The following PIGU variants were observed in gnomAD, a reference collection of about 807,000 sequenced individuals.
PIGU encodes phosphatidylinositol glycan anchor biosynthesis class U.
Under a neutral mutation model 49.9 loss-of-function variants are expected in PIGU, and 24 were observed. The observed-to-expected ratio is 0.48, with a 90% CI of 0.35 to 0.68. The LOEUF (loss-of-function observed/expected upper bound fraction) is 0.68, where lower values mean the gene tolerates loss of function less well. PIGU is among the 30% of genes least tolerant of loss of function. PIGU has a pLI of 0.01. For synonymous variants in PIGU, 220 were observed against 205.7 expected (o/e 1.07, Z -0.59); for missense variants, 490 against 532.6 (o/e 0.92, Z 0.79).
At chr20:34,659,417 G>A (rs1307950085) in intron 1 of PIGU, among the ~76,000 whole-genome samples, 2 of 146,004 alleles carry the variant, frequency 1.4e-5, no homozygotes, top group African/African-American at 5.1e-5. Context: ...CGCCCGGTCC[G>A]GGAGGGAGGT....
At chr20:34,671,601 G>A (rs193296346) in intron 1 of PIGU, among the ~76,000 whole-genome samples, 64 of 151,986 alleles carry the variant, frequency 4.2e-4, no homozygotes, top group Middle Eastern at 3.4e-3. Flanking sequence ...TCCTGCTTTT[G>A]TCAAACAGGA....
rs1232074406 is a variant in PIGU, at chr20:34,659,412, G to T, written c.131-2168C>A. ...AGCCCCTCTGCCCGGCCAGCCGCCC[G>T]GTCCGGGAGGGAGGTGGGGGGGTCA... is the stretch of plus-strand genomic sequence containing the variant. On this transcript the variant is annotated intron_variant, in intron 1 of 11. Transcript: ENST00000217446. 1.6e-3 allele frequency among the ~76,000 whole-genome samples: 148 copies of T among 90,808 alleles called. 2 individuals carry two copies. The highest frequency in any genetic ancestry group is 6.4e-3 in the African/African-American group (139 of 21,834). 59.6% of individuals were successfully genotyped at this position (90,808 alleles called of 152,430 possible).
At chr20:34,594,369 T>C (rs1466526597) in intron 7 of PIGU, among the ~76,000 whole-genome samples, 1 of 151,992 alleles carries the variant, frequency 6.6e-6, no homozygotes, top group African/African-American at 2.4e-5. Flanking sequence ...GAATAAACTA[T>C]GGTATATTCA....
intron 7 of PIGU, among the ~76,000 whole-genome samples, chr20:34,605,323 G>A (rs1401739731): frequency 6.6e-6 from 1 of 152,114 alleles, no homozygotes; most frequent in African/African-American, 2.4e-5. Flanking sequence ...AGGAAGAATA[G>A]TTTCACCTCT....
chr20:34,603,574 C>T (rs1461559691), intron 7 of PIGU, among the ~76,000 whole-genome samples: 2 of 152,092 alleles, frequency 1.3e-5, no homozygotes, highest in Non-Finnish European at 2.9e-5. Flanking sequence ...TCTTACCTTA[C>T]TGAAACTCAA....
chr20:34,606,881 C>G (rs1984635412), intron 7 of PIGU, among the ~76,000 whole-genome samples: 1 of 152,194 alleles, frequency 6.6e-6, no homozygotes, highest in Non-Finnish European at 1.5e-5. Flanking sequence ...CTGCCTCAGC[C>G]TCCTGAGTAG....
intron 1 of PIGU, among the ~76,000 whole-genome samples, chr20:34,674,263 G>C (rs1179159225): frequency 6.8e-6 from 1 of 147,500 alleles, no homozygotes; most frequent in Non-Finnish European, 1.5e-5. Flanking sequence ...GCTGAGACGA[G>C]ATAACAGCCT....
At chr20:34,661,457 T>A (rs1226202976) in intron 1 of PIGU, among the ~76,000 whole-genome samples, 1 of 152,192 alleles carries the variant, frequency 6.6e-6, no homozygotes, top group Non-Finnish European at 1.5e-5. Flanking sequence ...AGTGAGAATA[T>A]GCTGTATTTG....
chr20:34,638,327 T>C lies in PIGU; in HGVS notation c.319-342A>G, dbSNP rs1986035544. Reference sequence around the variant, plus strand: ...CTCACCACCCCACACCCAGGTAAAATCCCCCTGTTATATATGTTCTTTCAC... The same window carrying C: ...CTCACCACCCCACACCCAGGTAAAACCCCCCTGTTATATATGTTCTTTCAC... On this transcript the variant is annotated intron_variant, in intron 4 of 11. Transcript: ENST00000217446. Among the ~76,000 whole-genome samples the C allele has an allele frequency of 2.0e-5, 3 of 152,128 alleles. No individual in the cohort carries two copies. In the South Asian group the frequency reaches 6.2e-4, roughly 32 times the overall value.
intron 7 of PIGU, among the ~76,000 whole-genome samples, chr20:34,603,067 T>A (rs1984490452): frequency 6.6e-6 from 1 of 152,138 alleles, no homozygotes. Context: ...AATTCATATG[T>A]TACAGAATCT....
chr20:34,644,048 C>A, intron 4 of PIGU, 116 bp downstream of exon 4: 1 of 941,370 alleles, frequency 1.1e-6, no homozygotes. Context: ...AGAAGTTTCA[C>A]CATCACTTCC....
At chr20:34,667,167 C>A (rs773665905) in intron 1 of PIGU, among the ~76,000 whole-genome samples, 1 of 152,118 alleles carries the variant, frequency 6.6e-6, no homozygotes, top group Non-Finnish European at 1.5e-5. Context: ...CCTTGGTATA[C>A]TTTTCCTATG....
Position 34,609,089 on chromosome 20 carries a change from G to A in PIGU, c.627+6953C>T, listed in dbSNP as rs538243314. The stretch of plus-strand genomic sequence containing the variant: ...TAGCTCAAGAATTCAAGACCAGCCC[G>A]GGCAACAAAGTGAGACCCTGTCTCT... On this transcript the variant is annotated intron_variant, in intron 7 of 11. Coordinates refer to ENST00000217446, the MANE Select transcript of PIGU (RefSeq NM_080476.5). 7.8e-4 allele frequency among the ~76,000 whole-genome samples: 119 copies of A among 152,066 alleles called. 1 individual carries two copies. The highest frequency in any genetic ancestry group is 6.6e-3 in the Admixed American group (101 of 15,266).
At chr20:34,635,461 T>C (rs1488611974) in intron 5 of PIGU, among the ~76,000 whole-genome samples, 1 of 152,186 alleles carries the variant, frequency 6.6e-6, no homozygotes, top group African/African-American at 2.4e-5. Context: ...TTTCCTGAGA[T>C]GGGAAGGAAT....
intron 7 of PIGU, 79 bp from the exon 8 acceptor site, chr20:34,588,686 T>C: frequency 3.6e-6 from 5 of 1,386,748 alleles, no homozygotes; most frequent in Non-Finnish European, 4.9e-6. Context: ...TAAAGATCCC[T>C]CCCGCAAAAC....
chr20:34,645,425 G>A lies in PIGU; in HGVS notation c.196-91C>T, dbSNP rs1359676072. ...TAGAGAGTGGGGAGAAAACTATTAT[G>A]TCAGCAAACTATTATGCTAGTATTC... On this transcript the variant is annotated intron_variant, in intron 2 of 11. Transcript: ENST00000217446. 1.6e-5 allele frequency: 23 copies of A among 1,396,882 alleles called. No homozygotes were observed. The East Asian group carries it at 2.7e-4, about 17-fold the overall frequency. 86.5% of individuals were successfully genotyped at this position (1,396,882 alleles called of 1,614,324 possible). A position where few individuals can be genotyped will look rare whatever the true frequency, so the allele number is the denominator to read the frequency against.
At chr20:34,581,292 G>A (rs1352173856) in intron 10 of PIGU, among the ~76,000 whole-genome samples, 2 of 152,162 alleles carry the variant, frequency 1.3e-5, no homozygotes, top group Non-Finnish European at 2.9e-5. Context: ...AAGATCAAAT[G>A]AGCTAATTAA....
At chr20:34,626,595 C>T (rs1323247893) in intron 6 of PIGU, among the ~76,000 whole-genome samples, 3 of 152,000 alleles carry the variant, frequency 2.0e-5, no homozygotes, top group South Asian at 2.1e-4. Flanking sequence ...TGAGCCACCG[C>T]GCCTGGCCAA....
chr20:34,646,569 C>A (rs1469528825), intron 2 of PIGU, among the ~76,000 whole-genome samples: 1 of 151,662 alleles, frequency 6.6e-6, no homozygotes, highest in Non-Finnish European at 1.5e-5. Flanking sequence ...CCACCACGCC[C>A]AGCTAATTTT....
Sources: gnomAD v4.1 joint callset for allele counts (sites outside exome capture counted in the v4.1 genomes callset) on GRCh38, gnomAD v4.1.1 for gene constraint, MANE v1.5 for transcripts, NCBI Gene and HGNC (gene_info 2026-07-23, HGNC 2026-07-21) for gene names.